Variants in DICER1 observed in about 807,000 individuals in gnomAD.
The protein encoded by DICER1 is endoribonuclease Dicer.
Under a neutral mutation model 194.1 loss-of-function variants are expected in DICER1, and 43 were observed. That is an observed-to-expected ratio of 0.22 (90% CI 0.17 to 0.29). The LOEUF is 0.29. Among genes scored for constraint, DICER1 ranks in the 10% least tolerant of loss-of-function variants. The pLI, the probability that DICER1 is intolerant of heterozygous loss-of-function variation, is 1.00. For missense variants in DICER1, 1,608 were observed against 2,317.0 expected, an observed-to-expected ratio of 0.69 and a Z score of 6.28; for synonymous variants, 832 against 820.5, an observed-to-expected ratio of 1.01 and a Z score of -0.24.
intron 1 of DICER1, among the ~76,000 whole-genome samples, chr14:95,140,999 A>G (rs961351919): frequency 6.6e-6 from 1 of 152,248 alleles, no homozygotes; most frequent in Non-Finnish European, 1.5e-5. Flanking sequence ...ATAAAGAGCT[A>G]GAGCAAAGTT....
intron 1 of DICER1, chr14:95,136,533 CA>C (rs1040280998): frequency 3.9e-5 from 6 of 152,250 alleles, no homozygotes; most frequent in African/African-American, 1.4e-4. Flanking sequence ...TTTGTAGAGA[CA>C]GGGTCTCACT....
Position 95,124,265 on chromosome 14 carries a change from G to A in DICER1, c.1307C>T (p.Ser436Phe), listed in dbSNP as rs1213682122. ...TCCGCACAAAATGTTGGTAAAAGGA[G>A]AAGGAAAATTTGTCTCTGGCTTCTC... Reference protein sequence around the residue: ...EKEKPETNFPSPFTNILCGII... With the variant: ...EKEKPETNFPFPFTNILCGII... The change falls in exon 8 of 27, where the codon TCT becomes TTT. Residue 436 changes from serine to phenylalanine, a missense_variant. Coordinates refer to ENST00000343455, the MANE Select transcript of DICER1 (RefSeq NM_177438.3). The surrounding 1 kb of genome is among the most constrained non-coding windows in gnomAD (Gnocchi z 4.5). The A allele has an allele frequency of 6.2e-7, 1 of 1,613,794 alleles. No homozygotes were observed. Among genetic ancestry groups the A allele is most frequent in the African/African-American group, 1.3e-5 (1 of 74,924 alleles).
At chr14:95,112,089 G>T (rs556685545) in intron 13 of DICER1, 83 bp downstream of exon 13, 9 of 1,186,468 alleles carry the variant, frequency 7.6e-6, no homozygotes, top group Non-Finnish European at 1.0e-5. Context: ...AATCCTTACA[G>T]ATCTATAAAG....
At chr14:95,104,936 A>G in intron 20 of DICER1, 135 bp downstream of exon 20, 1 of 849,054 alleles carries the variant, frequency 1.2e-6, no homozygotes, top group Non-Finnish European at 1.9e-6. Context: ...CTGAGACTTG[A>G]CAAGACATAA....
intron 8 of DICER1, among the ~76,000 whole-genome samples, chr14:95,120,205 CT>C (rs762177515): frequency 3.9e-5 from 6 of 152,136 alleles, no homozygotes; most frequent in Non-Finnish European, 8.8e-5. Flanking sequence ...CTTACATTTT[CT>C]TGTCAATGTG....
chr14:95,120,761 C>T (rs1892872205), intron 8 of DICER1, among the ~76,000 whole-genome samples: 1 of 152,114 alleles, frequency 6.6e-6, no homozygotes, highest in Non-Finnish European at 1.5e-5. Flanking sequence ...ATACATGATT[C>T]AATTAATAAA....
At chr14:95,129,960 T>C in intron 5 of DICER1, 98 bp downstream of exon 5, 1 of 1,139,494 alleles carries the variant, frequency 8.8e-7, no homozygotes, top group South Asian at 1.3e-5. Flanking sequence ...ACTCCCAATA[T>C]TGATAACTAA....
Position 95,105,512 on chromosome 14 carries a change from C to T in DICER1, c.3093+166G>A, listed in dbSNP as rs1891336910. On this transcript the variant is annotated intron_variant, in intron 19 of 26. Coordinates refer to ENST00000343455, the MANE Select transcript of DICER1 (RefSeq NM_177438.3). This position sits in a 1 kb window ranked among gnomAD's most constrained non-coding sequence, Gnocchi z 4.9. ...AAGAACATTCAAATAACATTCAACA[C>T]ATAATACTAATTAAAACAAAACAAA... Among the ~76,000 whole-genome samples the T allele has an allele frequency of 6.6e-6, 1 of 152,150 alleles. No individual in the cohort carries two copies. Among genetic ancestry groups the T allele is most frequent in the African/African-American group, 2.4e-5 (1 of 41,442 alleles).
chr14:95,104,185 A>G (rs1220042337), intron 20 of DICER1, 59 bp from the exon 21 acceptor site: 4 of 1,381,968 alleles, frequency 2.9e-6, no homozygotes, highest in Non-Finnish European at 4.0e-6. Context: ...GGCTGAGAGC[A>G]ACAGCAATTT....
At position 95,113,834 on chromosome 14, in the gene DICER1, G is replaced by A. The variant is rs1892197967; in HGVS notation, c.1908-610C>T. On this transcript the variant is annotated intron_variant, in intron 11 of 26. Coordinates refer to ENST00000343455, the MANE Select transcript of DICER1 (RefSeq NM_177438.3). ...GGGTGCTGGAATGGGCAGCAGCCCTGTGAGGTTGCGACCTGTGCAGCAAGG... is the reference window on the plus strand; with the variant it reads ...GGGTGCTGGAATGGGCAGCAGCCCTATGAGGTTGCGACCTGTGCAGCAAGG... 3.3e-5 allele frequency among the ~76,000 whole-genome samples: 5 copies of A among 152,234 alleles called. No individual in the cohort carries two copies. In the South Asian group the frequency reaches 8.3e-4, roughly 25 times the overall value.
intron 22 of DICER1, among the ~76,000 whole-genome samples, chr14:95,098,246 A>T (rs1192717122): frequency 5.3e-5 from 8 of 152,208 alleles, no homozygotes; most frequent in Admixed American, 5.2e-4. Context: ...TTTTAAGAAA[A>T]AACAGCCACA....
At chr14:95,117,432 T>C (rs1892571296) in intron 9 of DICER1, among the ~76,000 whole-genome samples, 190 bp downstream of exon 9, 1 of 152,214 alleles carries the variant, frequency 6.6e-6, no homozygotes, top group South Asian at 2.1e-4. Context: ...ATAGCTATTC[T>C]AATTCTGAGC....
At position 95,124,615 on chromosome 14, in the gene DICER1, A is replaced by G. The variant is rs748873046; in HGVS notation, c.957T>C (p.Asp319=). The G allele has an allele frequency of 2.5e-6, 4 of 1,613,744 alleles. No individual in the cohort carries two copies. The South Asian group carries it at 3.3e-5, about 13-fold the overall frequency. The part of the protein sequence containing the change: ...VLVVLGPWCA[D]KVAGMMVREL... The stretch of plus-strand genomic sequence containing the variant: ...CTCTTACCATCATTCCAGCTACTTT[A>G]TCTGCACACCAGGGTCCCAGAACTA... The change falls in exon 8 of 27, where the codon GAT becomes GAC. Residue 319 remains aspartate, a synonymous_variant. Transcript: ENST00000343455. The surrounding 1 kb of genome is among the most constrained non-coding windows in gnomAD (Gnocchi z 4.5).
At position 95,124,663 on chromosome 14, in the gene DICER1, T is replaced by G. The variant is rs773509809; in HGVS notation, c.909A>C (p.Leu303=). The change falls in exon 8 of 27, where the codon CTA becomes CTC. Residue 303 remains leucine (L), a synonymous_variant. Coordinates refer to ENST00000343455, the MANE Select transcript of DICER1 (RefSeq NM_177438.3). The surrounding 1 kb of genome is among the most constrained non-coding windows in gnomAD (Gnocchi z 4.5). The part of the protein sequence containing the change: ...RDSTLISKQI[L]SDCRAVLVVL... ...CTACCAATACGGCACGACAGTCTGA[T>G]AGTATCTACAAAAAAAAGAAAAGAA... is the stretch of plus-strand genomic sequence containing the variant. The G allele has an allele frequency of 3.7e-6, 6 of 1,611,388 alleles. No homozygotes were observed. Among genetic ancestry groups the G allele is most frequent in the Non-Finnish European group, 2.5e-6 (3 of 1,178,234 alleles).
intron 1 of DICER1, chr14:95,134,650 T>A (rs897246463): frequency 6.6e-6 from 1 of 152,198 alleles, no homozygotes; most frequent in African/African-American, 2.4e-5. Context: ...CAATACTGAA[T>A]TCTGATTTGA....
At position 95,151,002 on chromosome 14, in the gene DICER1, T is replaced by G. The variant is rs372440654; in HGVS notation, c.-46+6228A>C. ...CCTTGGCCTCCTAAAGTGCTGAGAT[T>G]ACAGGAGTGAGCCACTGTGCCCAGC... is the stretch of plus-strand genomic sequence containing the variant. On this transcript the variant is annotated intron_variant, in intron 1 of 26. Coordinates refer to ENST00000343455, the MANE Select transcript of DICER1 (RefSeq NM_177438.3). Among the ~76,000 whole-genome samples, 8 of 152,300 alleles carry G rather than the reference T, an allele frequency of 5.3e-5. No homozygotes were observed. The East Asian group carries it at 9.6e-4, about 18-fold the overall frequency.
chr14:95,090,304 T>C lies in DICER1; in HGVS notation c.*194A>G, dbSNP rs1423068568. On this transcript the variant is annotated 3_prime_UTR_variant, in exon 27 of 27. Transcript: ENST00000343455. ...TTGTGTTTGCGCAAAAAACTAAAACTACAATTAGTTCCAAAATTTTATACA... is the reference window on the plus strand; with the variant it reads ...TTGTGTTTGCGCAAAAAACTAAAACCACAATTAGTTCCAAAATTTTATACA... 3 of 639,650 alleles carry C rather than the reference T, an allele frequency of 4.7e-6. No individual in the cohort carries two copies. The highest frequency in any genetic ancestry group is 2.9e-5 in the Admixed American group (1 of 34,422). 39.6% of individuals were successfully genotyped at this position (639,650 alleles called of 1,614,324 possible).
At chr14:95,145,775 T>G (rs1241705057) in intron 1 of DICER1, among the ~76,000 whole-genome samples, 1 of 152,224 alleles carries the variant, frequency 6.6e-6, no homozygotes, top group Non-Finnish European at 1.5e-5. Context: ...TAATTGTCAT[T>G]TGTCTTTTTA....
chr14:95,112,039 AC>A (rs1892013185), intron 13 of DICER1, 132 bp downstream of exon 13: 2 of 785,398 alleles, frequency 2.5e-6, no homozygotes, highest in Non-Finnish European at 4.4e-6. Flanking sequence ...GTTTATATTC[AC>A]CAAAGCACAT....
Sources: allele counts gnomAD v4.1 joint callset (sites outside exome capture counted in the v4.1 genomes callset), GRCh38; gene constraint gnomAD v4.1.1; non-coding constraint Gnocchi (gnomAD v3.1); transcripts MANE v1.5; gene names NCBI Gene and HGNC (gene_info 2026-07-23, HGNC 2026-07-21).